Variants in TMEM154 observed in about 807,000 individuals in gnomAD.
TMEM154 encodes transmembrane protein 154.
A neutral mutation model predicts 24.5 loss-of-function variants in TMEM154; 27 were observed. The ratio of observed to expected loss-of-function variants is 1.10; its 90% confidence interval spans 0.81 to 1.52. TMEM154 has a LOEUF of 1.52. Ranked by LOEUF, TMEM154 falls within the 40% of genes most tolerant of loss-of-function variation. The pLI is 0.00. For missense variants in TMEM154, 228 were observed against 213.4 expected (o/e 1.07, Z -0.43); for synonymous variants, 67 against 76.8 (o/e 0.87, Z 0.67).
intron 1 of TMEM154, among the ~76,000 whole-genome samples, chr4:152,661,335 TC>T (rs1728605971): frequency 5.0e-5 from 6 of 120,522 alleles, no homozygotes; most frequent in Admixed American, 9.2e-5. Flanking sequence ...TCTCTCTCTC[TC>T]TCTCTCCCCC....
At chr4:152,660,174 C>T (rs962581492) in intron 1 of TMEM154, among the ~76,000 whole-genome samples, 1 of 152,086 alleles carries the variant, frequency 6.6e-6, no homozygotes, top group African/African-American at 2.4e-5. Context: ...AAAACCTCCT[C>T]ATTAAAATGA....
intron 6 of TMEM154, among the ~76,000 whole-genome samples, chr4:152,631,108 A>G (rs142983703): frequency 6.6e-6 from 1 of 152,332 alleles, no homozygotes; most frequent in East Asian, 1.9e-4. Context: ...TATCTCTAGA[A>G]AAGGAATTGT....
intron 1 of TMEM154, among the ~76,000 whole-genome samples, chr4:152,657,971 A>C (rs1579527379): frequency 1.3e-5 from 2 of 152,354 alleles, no homozygotes; most frequent in Middle Eastern, 6.8e-3. Flanking sequence ...CCCTAAAAGA[A>C]ATGCTTAAGG....
chr4:152,641,078 T>A (rs1752249297), intron 5 of TMEM154, 93 bp from the exon 6 acceptor site: 3 of 1,239,076 alleles, frequency 2.4e-6, no homozygotes, highest in Non-Finnish European at 2.2e-6. Flanking sequence ...AGTTCTCTGA[T>A]CTGCGTGGTT....
intron 1 of TMEM154, among the ~76,000 whole-genome samples, chr4:152,664,027 A>C (rs1346920115): frequency 6.6e-6 from 1 of 152,236 alleles, no homozygotes; most frequent in Non-Finnish European, 1.5e-5. Context: ...CTTCTCCAGG[A>C]AGCAAACTAG....
chr4:152,658,837 G>T (rs1407331927), intron 1 of TMEM154, among the ~76,000 whole-genome samples: 1 of 151,440 alleles, frequency 6.6e-6, no homozygotes, highest in Non-Finnish European at 1.5e-5. Context: ...AAAGGTTATT[G>T]TTGAAAAGGA....
In TMEM154 at chr4:152,620,268, C is replaced by A. The variant is rs1373194803; in HGVS notation, c.*8278G>T. 4 of 152,180 alleles carry A rather than the reference C, an allele frequency of 2.6e-5. No individual in the cohort carries two copies. Among genetic ancestry groups the A allele is most frequent in the African/African-American group, 9.7e-5 (4 of 41,434 alleles). 9.4% of individuals were successfully genotyped at this position (152,180 alleles called of 1,614,324 possible). A position where few individuals can be genotyped will look rare whatever the true frequency, so the allele number is the denominator to read the frequency against. ...TTATGTCAGCTCTAGTAAGTGGGAA[C>A]TTTATTTTTTCACCTAGTGACCAAA... On this transcript the variant is annotated 3_prime_UTR_variant, in exon 7 of 7. Coordinates refer to ENST00000304385, the MANE Select transcript of TMEM154 (RefSeq NM_152680.3).
chr4:152,654,222 A>G (rs939829899), intron 1 of TMEM154, among the ~76,000 whole-genome samples: 7 of 152,232 alleles, frequency 4.6e-5, no homozygotes, highest in Non-Finnish European at 8.8e-5. Flanking sequence ...GAAGGGGCCA[A>G]CTGAGGAAAA....
At chr4:152,674,605 T>C (rs1257675476) in intron 1 of TMEM154, among the ~76,000 whole-genome samples, 8 of 152,186 alleles carry the variant, frequency 5.3e-5, no homozygotes, top group Non-Finnish European at 1.2e-4. Context: ...CCTCTGATGC[T>C]TGCCACTTCC....
At chr4:152,637,821 T>C (rs1467165802) in intron 6 of TMEM154, among the ~76,000 whole-genome samples, 1 of 152,228 alleles carries the variant, frequency 6.6e-6, no homozygotes, top group Non-Finnish European at 1.5e-5. Context: ...AGAAATCTTA[T>C]TTTTGTCCCA....
chr4:152,638,160 G>A (rs567977646), intron 6 of TMEM154, among the ~76,000 whole-genome samples: 2 of 152,160 alleles, frequency 1.3e-5, no homozygotes, highest in South Asian at 4.1e-4. Context: ...CAACTACTCT[G>A]GAGGCTAAGT....
intron 5 of TMEM154, chr4:152,641,314 T>A (rs1752252200): frequency 4.2e-6 from 1 of 237,512 alleles, no homozygotes. Context: ...TGGAATAAGA[T>A]GGCTTCGCCT....
In TMEM154 at chr4:152,618,652, C is replaced by T. The variant is rs1220480343; in HGVS notation, c.*9894G>A. 6.6e-6 allele frequency: 1 copy of T among 152,210 alleles called. No individual in the cohort carries two copies. The highest frequency in any genetic ancestry group is 1.5e-5 in the Non-Finnish European group (1 of 68,034). The allele number at this position is 152,210 out of a possible 1,614,324, so 9.4% of individuals were successfully genotyped here. A position where few individuals can be genotyped will look rare whatever the true frequency, so the allele number is the denominator to read the frequency against. On this transcript the variant is annotated 3_prime_UTR_variant, in exon 7 of 7. Transcript: ENST00000304385. ...CTGGGTTGGAAAGAGCTGCTTCGAGCATTTTAATGATCAGTTAGGCTCCAT... is the reference window on the plus strand; with the variant it reads ...CTGGGTTGGAAAGAGCTGCTTCGAGTATTTTAATGATCAGTTAGGCTCCAT...
chr4:152,653,218 C>G (rs917218784), intron 1 of TMEM154, among the ~76,000 whole-genome samples: 1 of 152,074 alleles, frequency 6.6e-6, no homozygotes, highest in African/African-American at 2.4e-5. Context: ...CGGAAGCTTC[C>G]TCATGTTAAG....
At chr4:152,643,053 G>T in intron 5 of TMEM154, 35 bp downstream of exon 5, 1 of 1,505,084 alleles carries the variant, frequency 6.6e-7, no homozygotes, top group Non-Finnish European at 9.2e-7. Flanking sequence ...TTACTAGAGA[G>T]GAAAGAAAAA....
chr4:152,631,706 C>T (rs1752046168), intron 6 of TMEM154, among the ~76,000 whole-genome samples: 1 of 150,866 alleles, frequency 6.6e-6, no homozygotes. Flanking sequence ...GCTGGGGTTA[C>T]AGGTGTGAGC....
At chr4:152,647,243 G>A (rs1046720468) in intron 3 of TMEM154, 7 of 984,980 alleles carry the variant, frequency 7.1e-6, no homozygotes, top group African/African-American at 1.7e-5. Context: ...TAGTGTGCAG[G>A]TGTCCATGCT....
At chr4:152,644,380 C>G (rs372164681) in intron 4 of TMEM154, 35 bp downstream of exon 4, 158 of 1,612,430 alleles carry the variant, frequency 9.8e-5, no homozygotes, top group Admixed American at 2.8e-4. Context: ...GCTGTTCACA[C>G]CCCAGGTGGA....
chr4:152,653,315 T>C (rs1404482219), intron 1 of TMEM154, among the ~76,000 whole-genome samples: 2 of 152,182 alleles, frequency 1.3e-5, no homozygotes, highest in Non-Finnish European at 2.9e-5. Context: ...TGAATAAATT[T>C]AAATTCACAT....
Sources: gnomAD v4.1 joint callset for allele counts (sites outside exome capture counted in the v4.1 genomes callset) on GRCh38, gnomAD v4.1.1 for gene constraint, MANE v1.5 for transcripts, NCBI Gene and HGNC (gene_info 2026-07-23, HGNC 2026-07-21) for gene names.